The following EML5 variants were observed in gnomAD, a reference collection of about 807,000 sequenced individuals.
EML5 encodes EMAP like 5.
A neutral mutation model predicts 250.0 loss-of-function variants in EML5; 120 were observed. The observed-to-expected ratio is 0.48, with a 90% confidence interval of 0.41 to 0.56. EML5 has a LOEUF of 0.56. Ranked by LOEUF, EML5 falls within the 20% of genes least tolerant of loss-of-function variation. The probability of loss-of-function intolerance (pLI) is 0.00; values close to 1 mark genes in which losing one functional copy is unlikely to be tolerated. For synonymous variants in EML5, 771 were observed against 806.5 expected, an observed-to-expected ratio of 0.96 and a Z score of 0.75; for missense variants, 2,006 against 2,437.6, an observed-to-expected ratio of 0.82 and a Z score of 3.73.
chr14:88,718,701 G>A (rs1463056607), intron 8 of EML5, among the ~76,000 whole-genome samples: 1 of 152,122 alleles, frequency 6.6e-6, no homozygotes, highest in African/African-American at 2.4e-5. Flanking sequence ...AGAGAATAAA[G>A]TTAGACAGTT....
At chr14:88,679,899 T>C (rs762377653) in intron 21 of EML5, among the ~76,000 whole-genome samples, 3 of 152,158 alleles carry the variant, frequency 2.0e-5, no homozygotes, top group East Asian at 1.9e-4. Flanking sequence ...GTGTAGCGTA[T>C]AGTAAGGGCC....
intron 7 of EML5, among the ~76,000 whole-genome samples, chr14:88,734,259 A>G (rs1346284428): frequency 6.6e-6 from 1 of 152,174 alleles, no homozygotes; most frequent in Non-Finnish European, 1.5e-5. Context: ...ACCAGGATAA[A>G]CAAATAATTG....
intron 9 of EML5, among the ~76,000 whole-genome samples, chr14:88,713,864 C>G (rs1208290014): frequency 6.9e-6 from 1 of 145,636 alleles, no homozygotes; most frequent in African/African-American, 2.6e-5. Context: ...TTTGAGACAG[C>G]CTCTTAATCT....
intron 27 of EML5, among the ~76,000 whole-genome samples, chr14:88,654,751 ATTCTG>A (rs1442288246): frequency 1.3e-5 from 2 of 152,124 alleles, no homozygotes; most frequent in Non-Finnish European, 2.9e-5. Context: ...AAGAATGTAT[ATTCTG>A]TTGATTTGGG....
rs1243969160 is a variant in EML5 at position 88,792,507 on chromosome 14, G to C, written c.-4C>G. 3 of 1,372,850 alleles carry C rather than the reference G, an allele frequency of 2.2e-6. No homozygotes were observed. The highest frequency in any genetic ancestry group is 2.8e-6 in the Non-Finnish European group (3 of 1,053,914). 85.0% of individuals were successfully genotyped at this position (1,372,850 alleles called of 1,614,324 possible). On this transcript the variant is annotated 5_prime_UTR_variant, in exon 1 of 44. Coordinates refer to ENST00000554922, the MANE Select transcript of EML5 (RefSeq NM_183387.3). This position sits in a 1 kb window ranked among gnomAD's most constrained non-coding sequence, Gnocchi z 6.9. ...TCGGGGCGCTCCGGGCCGCCATGTCGGGGCGCCCACCCGCCGCTCCCGCTC... is the reference window on the plus strand; with the variant it reads ...TCGGGGCGCTCCGGGCCGCCATGTCCGGGCGCCCACCCGCCGCTCCCGCTC...
At position 88,792,735 on chromosome 14, in the gene EML5, TGTC is replaced by T; in HGVS notation, c.-235_-233del. On this transcript the variant is annotated 5_prime_UTR_variant, in exon 1 of 44. Coordinates refer to ENST00000554922, the MANE Select transcript of EML5 (RefSeq NM_183387.3). This position sits in a 1 kb window ranked among gnomAD's most constrained non-coding sequence, Gnocchi z 6.9. ...GCTGAGGGCCGCGAGCGCCGCCGGC[TGTC>T]AAGTGGATGCCCAGAGCCCTTCGCC... The T allele has an allele frequency of 9.3e-7, 1 of 1,079,276 alleles. No homozygotes were observed. The highest frequency in any genetic ancestry group is 1.1e-6 in the Non-Finnish European group (1 of 891,704). 66.9% of individuals were successfully genotyped at this position (1,079,276 alleles called of 1,614,324 possible). A position where few individuals can be genotyped will look rare whatever the true frequency, so the allele number is the denominator to read the frequency against.
intron 13 of EML5, among the ~76,000 whole-genome samples, chr14:88,704,321 A>G (rs182403114): frequency 6.6e-6 from 1 of 152,226 alleles, no homozygotes; most frequent in Admixed American, 6.5e-5. Context: ...GCCTTCTGCC[A>G]TGAGTAAAAG....
chr14:88,689,275 T>C (rs1453711815), intron 17 of EML5, among the ~76,000 whole-genome samples: 4 of 152,304 alleles, frequency 2.6e-5, no homozygotes, highest in Non-Finnish European at 4.4e-5. Context: ...AGGCATATCA[T>C]ATAGATCAGA....
At chr14:88,697,380 C>A (rs1399216890) in intron 14 of EML5, among the ~76,000 whole-genome samples, 2 of 152,058 alleles carry the variant, frequency 1.3e-5, no homozygotes, top group Non-Finnish European at 2.9e-5. Context: ...CAGAATGAGT[C>A]CATAGAAGAG....
chr14:88,707,126 A>T (rs1439127792), intron 10 of EML5, among the ~76,000 whole-genome samples: 1 of 152,112 alleles, frequency 6.6e-6, no homozygotes, highest in Non-Finnish European at 1.5e-5. Context: ...ATGTCATTTC[A>T]GGGGATATGG....
intron 8 of EML5, among the ~76,000 whole-genome samples, chr14:88,718,232 A>T (rs2093533335): frequency 6.6e-6 from 1 of 152,212 alleles, no homozygotes; most frequent in Non-Finnish European, 1.5e-5. Flanking sequence ...ATGTTAAATA[A>T]GTAACTGGAT....
At chr14:88,625,383 A>G (rs2089765625) in intron 35 of EML5, 1 of 397,416 alleles carries the variant, frequency 2.5e-6, no homozygotes, top group Non-Finnish European at 4.5e-6. Flanking sequence ...CAATTCTAAC[A>G]TACTATAATT....
intron 10 of EML5, among the ~76,000 whole-genome samples, chr14:88,709,623 T>C (rs1294595161): frequency 2.6e-5 from 4 of 152,210 alleles, no homozygotes; most frequent in Non-Finnish European, 1.5e-5. Flanking sequence ...ATAGGCTTTG[T>C]AAAACTGGAT....
Position 88,627,778 on chromosome 14 carries a change from G to C in EML5, c.4399C>G (p.Gln1467Glu). 6.2e-7 allele frequency: 1 copy of C among 1,608,362 alleles called. No individual in the cohort carries two copies. The highest frequency in any genetic ancestry group is 8.5e-7 in the Non-Finnish European group (1 of 1,177,542). Reference sequence around the variant, plus strand: ...TAGCATCTTAGGATAGATAAAGTCTGCTTGTTCATTGCATCCCAGATGTGA... The same window carrying C: ...TAGCATCTTAGGATAGATAAAGTCTCCTTGTTCATTGCATCCCAGATGTGA... ...SIHIWDAMNK[Q>E]TLSILRCYHS... The change falls in exon 34 of 44, where the codon CAG (glutamine) becomes GAG (glutamate). Residue 1467 changes from glutamine to glutamate, a missense_variant. Around this residue, in one of 7 missense-constraint regions of EML5, gnomAD observed 1,375 missense variants for 1,590.3 expected, o/e 0.86. Transcript: ENST00000554922.
At chr14:88,655,101 T>C (rs1176198251) in intron 27 of EML5, among the ~76,000 whole-genome samples, 1 of 152,158 alleles carries the variant, frequency 6.6e-6, no homozygotes, top group Non-Finnish European at 1.5e-5. Context: ...AAGCTACCAA[T>C]GACTTTCCTC....
rs759142619 is a variant in EML5 at position 88,702,592 on chromosome 14, G to C, written c.2092C>G (p.Gln698Glu). The stretch of plus-strand genomic sequence containing the variant: ...ACATGGTACACAATTTCACCAATTT[G>C]AGTATAAAACAGATTACTTCGACAG... ...YDCRSNLFYT[Q>E]IGEIVYHVAA... Residue 698 changes from glutamine to glutamate, a missense_variant, in exon 14 of 44, where the codon CAA becomes GAA. Gln to Glu is a conservative substitution (Grantham distance 29). Coordinates refer to ENST00000554922, the MANE Select transcript of EML5 (RefSeq NM_183387.3). 1.4e-5 allele frequency: 22 copies of C among 1,609,018 alleles called. No individual in the cohort carries two copies. Among genetic ancestry groups the C allele is most frequent in the Non-Finnish European group, 1.9e-5 (22 of 1,177,468 alleles).
At chr14:88,777,303 T>TA (rs879640957) in intron 1 of EML5, among the ~76,000 whole-genome samples, 10 of 151,232 alleles carry the variant, frequency 6.6e-5, no homozygotes, top group African/African-American at 1.9e-4. Context: ...AGTTCTGAAG[T>TA]AAAAAAAAAT....
Position 88,725,055 on chromosome 14 carries a change from T to C in EML5, c.1187+1486A>G, listed in dbSNP as rs2093646454. On this transcript the variant is annotated intron_variant, in intron 8 of 43. Transcript: ENST00000554922. Reference sequence around the variant, plus strand: ...AAAGCTTTAATTTATATTCAAATGTTATATTCATTTTTTTAAAATATGAGG... The same window carrying C: ...AAAGCTTTAATTTATATTCAAATGTCATATTCATTTTTTTAAAATATGAGG... Among the ~76,000 whole-genome samples the C allele has an allele frequency of 2.0e-5, 3 of 152,310 alleles. No individual in the cohort carries two copies. The South Asian group carries it at 6.2e-4, about 32-fold the overall frequency.
intron 7 of EML5, among the ~76,000 whole-genome samples, chr14:88,735,779 G>C (rs1162882559): frequency 1.3e-5 from 2 of 152,092 alleles, no homozygotes; most frequent in African/African-American, 4.8e-5. Context: ...TCTTCCATCA[G>C]TAATGGATTA....
Sources: gnomAD v4.1 joint callset for allele counts (sites outside exome capture counted in the v4.1 genomes callset) on GRCh38, gnomAD v4.1.1 for gene constraint, gnomAD v4.1.1 regional missense constraint, Gnocchi (gnomAD v3.1) non-coding constraint, MANE v1.5 for transcripts, NCBI Gene and HGNC (gene_info 2026-07-23, HGNC 2026-07-21) for gene names.